The following COMMD10 variants were observed in gnomAD, a reference collection of about 807,000 sequenced individuals.
COMMD10 encodes COMM domain containing 10, also known as COMM domain-containing protein 10.
Under a neutral mutation model 28.9 loss-of-function variants are expected in COMMD10, and 33 were observed. The ratio of observed to expected loss-of-function variants is 1.14; its 90% CI spans 0.87 to 1.53. The LOEUF is 1.53. COMMD10 is among the 40% of genes most tolerant of loss of function. The pLI is 0.00. For missense variants in COMMD10, 310 were observed against 233.4 expected (o/e 1.33, Z -2.14); for synonymous variants, 110 against 81.7 (o/e 1.35, Z -1.87).
intron 5 of COMMD10, among the ~76,000 whole-genome samples, chr5:116,209,934 G>C (rs932492432): frequency 2.6e-5 from 4 of 152,126 alleles, no homozygotes; most frequent in African/African-American, 9.7e-5. Context: ...AAAGAATAGA[G>C]ATTTATTTGA....
At chr5:116,127,781 T>TG (rs2112763084) in intron 4 of COMMD10, among the ~76,000 whole-genome samples, 1 of 151,872 alleles carries the variant, frequency 6.6e-6, no homozygotes, top group South Asian at 2.1e-4. Context: ...TGTCTTGTGG[T>TG]GGGGGGAAGG....
intron 5 of COMMD10, among the ~76,000 whole-genome samples, chr5:116,256,611 A>G (rs1750292664): frequency 6.6e-6 from 1 of 151,732 alleles, no homozygotes. Context: ...AATGGTTGGA[A>G]CCAGAAATGT....
chr5:116,289,546 G>A lies in COMMD10; in HGVS notation c.511-1971G>A, dbSNP rs573524189. On this transcript the variant is annotated intron_variant, in intron 5 of 6. Coordinates refer to ENST00000274458, the MANE Select transcript of COMMD10 (RefSeq NM_016144.4). ...CAGTGCCTTCCAAACGCTGGTGCTG[G>A]GCGTGTGAGTGCCCTTCTTTAATTA... is the stretch of plus-strand genomic sequence containing the variant. 2.6e-5 allele frequency among the ~76,000 whole-genome samples: 4 copies of A among 151,942 alleles called. No individual in the cohort carries two copies. The South Asian group carries it at 8.3e-4, about 32-fold the overall frequency.
chr5:116,205,279 T>C (rs1368311555), intron 5 of COMMD10, among the ~76,000 whole-genome samples: 2 of 152,218 alleles, frequency 1.3e-5, no homozygotes, highest in African/African-American at 4.8e-5. Flanking sequence ...CTGACCATTA[T>C]ACGATTTTCC....
chr5:116,105,925 A>G lies in COMMD10; in HGVS notation c.399+13225A>G, dbSNP rs567911426. Among the ~76,000 whole-genome samples the G allele has an allele frequency of 4.9e-4, 75 of 151,808 alleles. 1 individual carries two copies. Among genetic ancestry groups the G allele is most frequent in the Middle Eastern group, 3.4e-3 (1 of 290 alleles). ...AAAAAACCAGCTCCTGGATTCATTG[A>G]TTTTTTTGAAGGACTTTTCATGTCT... On this transcript the variant is annotated intron_variant, in intron 4 of 6. Coordinates refer to ENST00000274458, the MANE Select transcript of COMMD10 (RefSeq NM_016144.4).
chr5:116,147,431 G>A (rs959111686), intron 5 of COMMD10, among the ~76,000 whole-genome samples: 2 of 151,760 alleles, frequency 1.3e-5, no homozygotes, highest in Admixed American at 6.6e-5. Context: ...TGCTTGTTTC[G>A]TAAATGTTTG....
chr5:116,232,149 C>T (rs1749544240), intron 5 of COMMD10, among the ~76,000 whole-genome samples: 2 of 152,140 alleles, frequency 1.3e-5, no homozygotes, highest in Non-Finnish European at 2.9e-5. Flanking sequence ...GGATTGCATA[C>T]TGTATCAATT....
At chr5:116,210,407 T>C (rs1541656) in intron 5 of COMMD10, among the ~76,000 whole-genome samples, 56,621 of 151,562 alleles carry the variant, frequency 0.37, 13,094 homozygotes, top group African/African-American at 0.66. Context: ...GATCTTTTTC[T>C]TAGGAAGATA....
intron 5 of COMMD10, among the ~76,000 whole-genome samples, chr5:116,214,899 A>G (rs961019766): frequency 6.6e-6 from 1 of 152,126 alleles, no homozygotes; most frequent in Non-Finnish European, 1.5e-5. Flanking sequence ...CTGTTAGCTA[A>G]GTGAAGCAGA....
chr5:116,251,454 C>A (rs1382008206), intron 5 of COMMD10, among the ~76,000 whole-genome samples: 10 of 132,806 alleles, frequency 7.5e-5, no homozygotes, highest in African/African-American at 2.8e-4. Context: ...CCCCCCACCA[C>A]ACAACAGTCC....
intron 5 of COMMD10, among the ~76,000 whole-genome samples, chr5:116,226,608 A>G (rs867750372): frequency 6.6e-6 from 1 of 151,864 alleles, no homozygotes; most frequent in African/African-American, 2.4e-5. Context: ...GGGACTTGGG[A>G]CTAAAAAGCA....
chr5:116,183,883 G>T (rs924748659), intron 5 of COMMD10, among the ~76,000 whole-genome samples: 9 of 152,110 alleles, frequency 5.9e-5, no homozygotes, highest in African/African-American at 2.2e-4. Context: ...TAGAAATGAG[G>T]TAGGATGTTT....
At chr5:116,220,711 T>C (rs993775107) in intron 5 of COMMD10, among the ~76,000 whole-genome samples, 3 of 152,204 alleles carry the variant, frequency 2.0e-5, no homozygotes, top group Admixed American at 6.5e-5. Flanking sequence ...AAAATTATGT[T>C]TCTAAATTTG....
chr5:116,088,425 C>A (rs1469514784), intron 2 of COMMD10, among the ~76,000 whole-genome samples: 1 of 152,176 alleles, frequency 6.6e-6, no homozygotes, highest in Non-Finnish European at 1.5e-5. Flanking sequence ...CTTCATAATA[C>A]TATGTAAATT....
At chr5:116,193,224 C>T (rs926157430) in intron 5 of COMMD10, among the ~76,000 whole-genome samples, 1 of 152,142 alleles carries the variant, frequency 6.6e-6, no homozygotes, top group Non-Finnish European at 1.5e-5. Context: ...GAATAAATAG[C>T]ACAGGACCTA....
chr5:116,091,039 G>T (rs748434350), intron 2 of COMMD10, 40 bp from the exon 3 acceptor site: 2 of 1,240,606 alleles, frequency 1.6e-6, no homozygotes, highest in South Asian at 1.4e-5. Context: ...TTGAATGCCT[G>T]AATATGTGCT....
intron 4 of COMMD10, among the ~76,000 whole-genome samples, chr5:116,105,071 C>G (rs1478283383): frequency 6.6e-6 from 1 of 152,154 alleles, no homozygotes; most frequent in Non-Finnish European, 1.5e-5. Context: ...TTTGCCCATA[C>G]AGTATGATAT....
intron 6 of COMMD10, among the ~76,000 whole-genome samples, chr5:116,291,826 A>G (rs1401698588): frequency 6.6e-6 from 1 of 152,182 alleles, no homozygotes; most frequent in Non-Finnish European, 1.5e-5. Flanking sequence ...TAAAACATTA[A>G]GTAATGAACT....
chr5:116,257,404 T>C (rs537518459), intron 5 of COMMD10, among the ~76,000 whole-genome samples: 10 of 151,746 alleles, frequency 6.6e-5, no homozygotes, highest in Non-Finnish European at 1.2e-4. Context: ...TATTTTCAGC[T>C]TCTGTACTAA....
Sources: gnomAD v4.1 joint callset for allele counts (sites outside exome capture counted in the v4.1 genomes callset) on GRCh38, gnomAD v4.1.1 for gene constraint, MANE v1.5 for transcripts, NCBI Gene and HGNC (gene_info 2026-07-23, HGNC 2026-07-21) for gene names.